The following TMOD1 variants were observed in gnomAD, a reference collection of about 807,000 sequenced individuals.
TMOD1 encodes the protein tropomodulin-1.
In TMOD1, 17 loss-of-function variants were observed where a neutral mutation model predicts 40.6. That is an observed-to-expected ratio of 0.42 (90% CI 0.29 to 0.63). The LOEUF (loss-of-function observed/expected upper bound fraction) is 0.63, where lower values mean the gene tolerates loss of function less well. TMOD1 is among the 20% of genes least tolerant of loss of function. The pLI, the probability that TMOD1 is intolerant of heterozygous loss-of-function variation, is 0.22. For synonymous variants in TMOD1, 181 were observed against 175.0 expected, an observed-to-expected ratio of 1.03 and a Z score of -0.27; for missense variants, 391 against 447.6, an observed-to-expected ratio of 0.87 and a Z score of 1.14.
intron 2 of TMOD1, among the ~76,000 whole-genome samples, chr9:97,534,173 G>GAAGTGTAGCCTTTAATCTGAGCAGCC (rs1830144341): frequency 6.6e-6 from 1 of 152,206 alleles, no homozygotes; most frequent in Non-Finnish European, 1.5e-5. Context: ...GGGAGCCTGT[G>GAAGTGTAGCCTTTAATCTGAGCAGCC]AAGTGTAGCC....
chr9:97,586,148 G>T (rs1825866241), intron 8 of TMOD1, among the ~76,000 whole-genome samples: 1 of 151,192 alleles, frequency 6.6e-6, no homozygotes, highest in Non-Finnish European at 1.5e-5. Context: ...ATCTACTTTT[G>T]GTCTTTGATG....
At chr9:97,505,711 G>A (rs1829580726) in intron 1 of TMOD1, among the ~76,000 whole-genome samples, 1 of 152,128 alleles carries the variant, frequency 6.6e-6, no homozygotes, top group Non-Finnish European at 1.5e-5. Flanking sequence ...AGACATCTCT[G>A]CCTCCTGATT....
chr9:97,565,056 A>G (rs969256054), intron 6 of TMOD1, among the ~76,000 whole-genome samples: 4 of 152,184 alleles, frequency 2.6e-5, no homozygotes, highest in Admixed American at 2.0e-4. Context: ...ATTGGTAAAA[A>G]CACAGCCATG....
rs149192097 is a variant in TMOD1, at chr9:97,559,823, ATGTCTATCTATCTATCTATCTATC to A, written c.398-2907_398-2884del. Among the ~76,000 whole-genome samples, 414 of 63,256 alleles carry A rather than the reference ATGTCTATCTATCTATCTATCTATC, an allele frequency of 6.5e-3. 28 individuals carry two copies. The highest frequency in any genetic ancestry group is 0.021 in the East Asian group (32 of 1,560). The allele number at this position is 63,256 out of a possible 152,430, so 41.5% of individuals were successfully genotyped here. ...TATATATATATATATATATATATAT[ATGTCTATCTATCTATCTATCTATC>A]TATCTCCAGAGATTCTGATTGGTTG... On this transcript the variant is annotated intron_variant, in intron 4 of 9. Coordinates refer to ENST00000259365, the MANE Select transcript of TMOD1 (RefSeq NM_003275.4).
chr9:97,547,210 G>GC (rs993473580), intron 3 of TMOD1, among the ~76,000 whole-genome samples: 1 of 151,158 alleles, frequency 6.6e-6, no homozygotes, highest in African/African-American at 2.4e-5. Context: ...CAAACCCTCT[G>GC]CCCCCCTCCA....
chr9:97,524,452 T>C, intron 2 of TMOD1, 144 bp downstream of exon 2: 1 of 944,804 alleles, frequency 1.1e-6, no homozygotes, highest in South Asian at 1.7e-5. Context: ...ATTTTTCTTT[T>C]AATGTGTTGT....
chr9:97,559,996 G>C (rs980715174), intron 4 of TMOD1, among the ~76,000 whole-genome samples: 5 of 151,166 alleles, frequency 3.3e-5, no homozygotes, highest in African/African-American at 4.9e-5. Context: ...TTGAAGCCTA[G>C]ACAGGGGAGG....
At chr9:97,559,421 T>C (rs370243562) in intron 4 of TMOD1, among the ~76,000 whole-genome samples, 18 of 152,012 alleles carry the variant, frequency 1.2e-4, no homozygotes, top group African/African-American at 4.3e-4. Flanking sequence ...TCATCTCATC[T>C]TGTGGTTTTC....
chr9:97,539,325 T>C (rs1033151453), intron 2 of TMOD1, among the ~76,000 whole-genome samples: 1 of 152,214 alleles, frequency 6.6e-6, no homozygotes, highest in Non-Finnish European at 1.5e-5. Context: ...TCCTCACCTA[T>C]TGAGTAGCCC....
At chr9:97,547,654 C>A (rs1830386981) in intron 3 of TMOD1, among the ~76,000 whole-genome samples, 1 of 152,230 alleles carries the variant, frequency 6.6e-6, no homozygotes, top group Admixed American at 6.5e-5. Flanking sequence ...ACTGTACAGT[C>A]TTCTCTTTCA....
chr9:97,531,835 G>A (rs1830107249), intron 2 of TMOD1, among the ~76,000 whole-genome samples: 1 of 152,186 alleles, frequency 6.6e-6, no homozygotes, highest in Middle Eastern at 3.4e-3. Context: ...CATCCTGTGA[G>A]GTGTCATTAT....
At chr9:97,537,020 A>G (rs929873860) in intron 2 of TMOD1, among the ~76,000 whole-genome samples, 1 of 152,220 alleles carries the variant, frequency 6.6e-6, no homozygotes, top group African/African-American at 2.4e-5. Context: ...TGACCATGCT[A>G]ATATATATAC....
intron 1 of TMOD1, among the ~76,000 whole-genome samples, chr9:97,508,291 C>T (rs1008841469): frequency 6.6e-6 from 1 of 152,010 alleles, no homozygotes; most frequent in African/African-American, 2.4e-5. Flanking sequence ...CAGGTTCAAG[C>T]AATTCTCCTA....
chr9:97,524,878 G>A (rs977585217), intron 2 of TMOD1, among the ~76,000 whole-genome samples: 35 of 151,480 alleles, frequency 2.3e-4, no homozygotes, highest in African/African-American at 8.5e-4. Context: ...ATATCAGGGG[G>A]AATAATCTGT....
intron 9 of TMOD1, among the ~76,000 whole-genome samples, chr9:97,593,626 A>T (rs143070587): frequency 1.7e-3 from 257 of 152,246 alleles, no homozygotes; most frequent in African/African-American, 5.8e-3. Context: ...GGGAAAAAAA[A>T]GACTCAAAGG....
At chr9:97,582,061 T>A (rs376552067) in intron 8 of TMOD1, among the ~76,000 whole-genome samples, 3 of 152,086 alleles carry the variant, frequency 2.0e-5, no homozygotes, top group South Asian at 4.2e-4. Context: ...TTAGACATGA[T>A]GTCCTTGCCC....
At chr9:97,585,347 G>T (rs1349177907) in intron 8 of TMOD1, among the ~76,000 whole-genome samples, 18 of 150,122 alleles carry the variant, frequency 1.2e-4, no homozygotes, top group Admixed American at 2.0e-4. Flanking sequence ...CTCTCTTCTG[G>T]CTTGTAGGGT....
chr9:97,584,518 C>T (rs569594440), intron 8 of TMOD1, among the ~76,000 whole-genome samples: 222 of 152,012 alleles, frequency 1.5e-3, no homozygotes, highest in African/African-American at 5.2e-3. Context: ...CTATTAGGTC[C>T]GCCTGGTGCA....
chr9:97,501,649 C>A (rs1426458362), upstream of TMOD1: 1 of 148,442 alleles, frequency 6.7e-6, no homozygotes, highest in East Asian at 2.0e-4. Flanking sequence ...AGCTCCCGCC[C>A]GCCCGCGGCC....
Sources: gnomAD v4.1 joint callset for allele counts (sites outside exome capture counted in the v4.1 genomes callset) on GRCh38, gnomAD v4.1.1 for gene constraint, MANE v1.5 for transcripts, NCBI Gene and HGNC (gene_info 2026-07-23, HGNC 2026-07-21) for gene names.